The following EYA4 variants were observed in gnomAD, a reference collection of about 807,000 sequenced individuals.
The protein encoded by EYA4 is protein phosphatase EYA4.
In EYA4, 31 loss-of-function variants were observed where a neutral mutation model predicts 87.9. The ratio of observed to expected loss-of-function variants is 0.35; its 90% CI spans 0.27 to 0.48. The LOEUF is 0.48. Ranked by LOEUF, EYA4 falls within the 20% of genes least tolerant of loss-of-function variation. The pLI is 0.99. For missense variants in EYA4, 678 were observed against 761.4 expected (o/e 0.89, Z 1.29); for synonymous variants, 263 against 270.6 (o/e 0.97, Z 0.28).
In EYA4 at chr6:133,281,607, A is replaced by AT. The variant is rs199925707; in HGVS notation, c.33+6803dup. 8.7e-3 allele frequency among the ~76,000 whole-genome samples: 1,269 copies of AT among 146,016 alleles called. 10 individuals are homozygous for AT. The highest frequency in any genetic ancestry group is 0.031 in the African/African-American group (1,203 of 38,344). On this transcript the variant is annotated intron_variant, in intron 2 of 19. Transcript: ENST00000355286. ...TTTGAGTTAAATTTTATTGAGGAAG[A>AT]TTTTTTTTTAAACTTCAACTTAGTT...
At chr6:133,351,685 T>C (rs901232888) in intron 2 of EYA4, among the ~76,000 whole-genome samples, 6 of 152,314 alleles carry the variant, frequency 3.9e-5, no homozygotes, top group African/African-American at 1.4e-4. Context: ...TTCACTTATT[T>C]CTCTGGATTT....
chr6:133,391,226 T>TTGTTTTTGTTTTTG (rs763455393), intron 3 of EYA4, among the ~76,000 whole-genome samples: 337 of 84,864 alleles, frequency 4.0e-3, no homozygotes, highest in Non-Finnish European at 6.9e-3. Flanking sequence ...GTTTTTGTTT[T>TTGTTTTTGTTTTTG]TTTTTTTTTT....
chr6:133,336,070 A>G (rs1271720390), intron 2 of EYA4, among the ~76,000 whole-genome samples: 2 of 152,198 alleles, frequency 1.3e-5, no homozygotes, highest in East Asian at 1.9e-4. Context: ...GCTCTGCTTT[A>G]CAGAAAAATG....
At chr6:133,364,699 A>G (rs1490073170) in intron 2 of EYA4, among the ~76,000 whole-genome samples, 1 of 152,230 alleles carries the variant, frequency 6.6e-6, no homozygotes, top group Admixed American at 6.5e-5. Context: ...AGTCAAAGCC[A>G]GTGGTGCACC....
chr6:133,276,727 T>A (rs542199460), intron 2 of EYA4, among the ~76,000 whole-genome samples: 7 of 152,270 alleles, frequency 4.6e-5, no homozygotes, highest in African/African-American at 1.2e-4. Context: ...ATCTCATAAA[T>A]GTGCAAAGAG....
intron 11 of EYA4, among the ~76,000 whole-genome samples, chr6:133,475,907 T>A (rs1795685765): frequency 6.6e-6 from 1 of 152,192 alleles, no homozygotes; most frequent in African/African-American, 2.4e-5. Flanking sequence ...ATGTATCGCA[T>A]GGCCTCTGCA....
At chr6:133,507,316 C>T (rs1023650900) in intron 14 of EYA4, 1 of 152,046 alleles carries the variant, frequency 6.6e-6, no homozygotes, top group Non-Finnish European at 1.5e-5. Flanking sequence ...TCTGACCCAT[C>T]CTTTGCTGAA....
chr6:133,244,369 C>A (rs757260763), intron 1 of EYA4, among the ~76,000 whole-genome samples: 6 of 152,026 alleles, frequency 3.9e-5, no homozygotes, highest in African/African-American at 7.2e-5. Flanking sequence ...TATGTACTCA[C>A]AATTAACACT....
At chr6:133,316,256 C>A (rs1460124647) in intron 2 of EYA4, among the ~76,000 whole-genome samples, 1 of 152,004 alleles carries the variant, frequency 6.6e-6, no homozygotes, top group Non-Finnish European at 1.5e-5. Flanking sequence ...ATAAAGTGTG[C>A]TGATGATCAT....
chr6:133,363,553 C>A (rs561529024), intron 2 of EYA4: 2 of 150,998 alleles, frequency 1.3e-5, no homozygotes, highest in South Asian at 4.2e-4. Flanking sequence ...AGGCTCACTG[C>A]AGGCTCCGCC....
At chr6:133,504,368 C>T (rs1460636336) in intron 13 of EYA4, among the ~76,000 whole-genome samples, 3 of 152,158 alleles carry the variant, frequency 2.0e-5, no homozygotes, top group African/African-American at 7.2e-5. Flanking sequence ...TGACATAATA[C>T]CAGGAGGCCA....
intron 3 of EYA4, among the ~76,000 whole-genome samples, chr6:133,397,449 A>G (rs1787900194): frequency 6.6e-6 from 1 of 152,202 alleles, no homozygotes; most frequent in Admixed American, 6.5e-5. Flanking sequence ...TAGGGCATAC[A>G]GATTTTTAGA....
At chr6:133,403,177 T>A (rs159426) in intron 3 of EYA4, among the ~76,000 whole-genome samples, 108,783 of 151,416 alleles carry the variant, frequency 0.72, 41,786 homozygotes, top group East Asian at 0.91. Context: ...CAAAAAAAAA[T>A]TAAAATGTGA....
intron 3 of EYA4, among the ~76,000 whole-genome samples, chr6:133,387,339 G>T (rs1048576473): frequency 1.3e-5 from 2 of 152,256 alleles, no homozygotes; most frequent in Admixed American, 1.3e-4. Flanking sequence ...GAAAGCTGAG[G>T]GCTCCTTTGT....
chr6:133,427,144 T>C (rs1790747225), intron 3 of EYA4, among the ~76,000 whole-genome samples: 1 of 152,222 alleles, frequency 6.6e-6, no homozygotes, highest in African/African-American at 2.4e-5. Context: ...ATAATCCTCA[T>C]TTCCTCGGAA....
chr6:133,416,444 T>A (rs3777839), intron 3 of EYA4, among the ~76,000 whole-genome samples: 7,835 of 152,246 alleles, frequency 0.051, 591 homozygotes, highest in African/African-American at 0.16. Flanking sequence ...CTGTCTATAT[T>A]GATCAAGTGT....
At chr6:133,361,758 A>T (rs911945798) in intron 2 of EYA4, among the ~76,000 whole-genome samples, 6 of 152,184 alleles carry the variant, frequency 3.9e-5, no homozygotes, top group African/African-American at 1.2e-4. Context: ...TAGGGAATAA[A>T]TGACCCTCCA....
intron 13 of EYA4, among the ~76,000 whole-genome samples, chr6:133,490,666 A>C (rs1363786885): frequency 2.0e-5 from 3 of 152,202 alleles, no homozygotes; most frequent in Non-Finnish European, 4.4e-5. Context: ...AACAATTTTA[A>C]ATGTATATGC....
intron 2 of EYA4, among the ~76,000 whole-genome samples, chr6:133,365,000 C>G (rs1401670172): frequency 6.6e-6 from 1 of 152,132 alleles, no homozygotes; most frequent in Non-Finnish European, 1.5e-5. Context: ...TTCAGGATAT[C>G]ATCCTGACCA....
Sources: gnomAD v4.1 joint callset for allele counts (sites outside exome capture counted in the v4.1 genomes callset) on GRCh38, gnomAD v4.1.1 for gene constraint, MANE v1.5 for transcripts, NCBI Gene and HGNC (gene_info 2026-07-23, HGNC 2026-07-21) for gene names.